ADGRD1: variants seen among roughly 807,000 people sequenced by gnomAD.
The protein encoded by ADGRD1 is adhesion G protein-coupled receptor D1.
ADGRD1 carries 77 observed loss-of-function variants against 113.4 expected under a neutral mutation model. The ratio of observed to expected loss-of-function variants is 0.68; its 90% CI spans 0.57 to 0.82. The LOEUF (loss-of-function observed/expected upper bound fraction) is 0.82. Ranked by LOEUF, ADGRD1 falls within the 40% of genes least tolerant of loss-of-function variation. The pLI, the probability that ADGRD1 is intolerant of heterozygous loss-of-function variation, is 0.00. For synonymous variants in ADGRD1, 474 were observed against 475.0 expected, an observed-to-expected ratio of 1.00 and a Z score of 0.03; for missense variants, 1,036 against 1,139.1, an observed-to-expected ratio of 0.91 and a Z score of 1.30.
At chr12:130,990,792 A>T (rs1316922546) in intron 6 of ADGRD1, 1 of 467,632 alleles carries the variant, frequency 2.1e-6, no homozygotes, top group Non-Finnish European at 3.8e-6. Flanking sequence ...AGCGATTGAG[A>T]ATACAAATGG....
chr12:131,079,265 A>G (rs1307562617), intron 14 of ADGRD1, among the ~76,000 whole-genome samples: 2 of 152,190 alleles, frequency 1.3e-5, no homozygotes, highest in African/African-American at 4.8e-5. Context: ...TCTCCCGAGT[A>G]GAGGAACATT....
At position 131,057,261 on chromosome 12, in the gene ADGRD1, C is replaced by T. The variant is rs1357637663; in HGVS notation, c.1474-19540C>T. On this transcript the variant is annotated intron_variant, in intron 13 of 24. Transcript: ENST00000261654. This position sits in a 1 kb window ranked among gnomAD's most constrained non-coding sequence, Gnocchi z 4.2. ...TTGAGAGAAGCTCTGTGCTTCACCCCTGAAGCTGGGTTGGATGGCATCAGT... is the reference window on the plus strand; with the variant it reads ...TTGAGAGAAGCTCTGTGCTTCACCCTTGAAGCTGGGTTGGATGGCATCAGT... 6.6e-6 allele frequency among the ~76,000 whole-genome samples: 1 copy of T among 152,172 alleles called. No homozygotes were observed. Among genetic ancestry groups the T allele is most frequent in the Non-Finnish European group, 1.5e-5 (1 of 68,042 alleles).
At chr12:131,061,345 A>G (rs913854993) in intron 13 of ADGRD1, among the ~76,000 whole-genome samples, 1 of 152,194 alleles carries the variant, frequency 6.6e-6, no homozygotes, top group Non-Finnish European at 1.5e-5. Flanking sequence ...CGTCCCCGTC[A>G]CAGGCTTACC....
At chr12:131,133,557 C>A (rs7137903) in intron 21 of ADGRD1, among the ~76,000 whole-genome samples, 66,183 of 152,114 alleles carry the variant, frequency 0.44, 14,780 homozygotes, top group South Asian at 0.59. Flanking sequence ...TTCCCACCTG[C>A]GTCTGCACCT....
At chr12:131,019,532 C>T (rs1031698698) in intron 13 of ADGRD1, among the ~76,000 whole-genome samples, 2 of 152,186 alleles carry the variant, frequency 1.3e-5, no homozygotes, top group Non-Finnish European at 2.9e-5. Flanking sequence ...AAAGCTTTTT[C>T]CTTAGAAGGG....
intron 15 of ADGRD1, among the ~76,000 whole-genome samples, chr12:131,104,184 G>C (rs559357512): frequency 1.3e-5 from 2 of 152,232 alleles, no homozygotes; most frequent in African/African-American, 4.8e-5. Flanking sequence ...GAGGCCCACA[G>C]TGTGCAGGCG....
rs1448382140 is a variant in ADGRD1 at position 131,060,919 on chromosome 12, G to T, written c.1474-15882G>T. On this transcript the variant is annotated intron_variant, in intron 13 of 24. Transcript: ENST00000261654. The surrounding 1 kb of genome is among the most constrained non-coding windows in gnomAD (Gnocchi z 4.4). ...TCAGTCCACCCCGCCCATGTTACCT[G>T]GATGGAGAACAGAGTGGACAGAGTC... 6.6e-6 allele frequency among the ~76,000 whole-genome samples: 1 copy of T among 152,012 alleles called. No individual in the cohort carries two copies. Among genetic ancestry groups the T allele is most frequent in the East Asian group, 1.9e-4 (1 of 5,176 alleles).
chr12:131,053,372 C>A (rs747648907), intron 13 of ADGRD1, among the ~76,000 whole-genome samples: 2 of 152,340 alleles, frequency 1.3e-5, no homozygotes, highest in East Asian at 3.9e-4. Context: ...CGTCTTCATT[C>A]GATCAAGGCT....
At chr12:131,125,885 T>G (rs1477465594) in intron 20 of ADGRD1, among the ~76,000 whole-genome samples, 1 of 152,214 alleles carries the variant, frequency 6.6e-6, no homozygotes, top group East Asian at 1.9e-4. Flanking sequence ...ATGTTGAATA[T>G]CAAATGAGTT....
chr12:131,046,643 G>A (rs113045041), intron 13 of ADGRD1, among the ~76,000 whole-genome samples: 4 of 129,222 alleles, frequency 3.1e-5, no homozygotes, highest in Admixed American at 7.5e-5. Flanking sequence ...TCCCTGGTCA[G>A]TGCTCCCTCC....
chr12:131,098,295 A>G (rs1336624486), intron 15 of ADGRD1, among the ~76,000 whole-genome samples: 1 of 151,938 alleles, frequency 6.6e-6, no homozygotes, highest in African/African-American at 2.4e-5. Context: ...TGATGAAGGG[A>G]GAGGGTGGAT....
At position 131,105,793 on chromosome 12, in the gene ADGRD1, C is replaced by G; in HGVS notation, c.1815C>G (p.His605Gln). 1 of 1,601,450 alleles carries G rather than the reference C, an allele frequency of 6.2e-7. No individual in the cohort carries two copies. Among genetic ancestry groups the G allele is most frequent in the Non-Finnish European group, 8.5e-7 (1 of 1,179,958 alleles). ...STIRNQRYHI[H>Q]ANLSFAVLVA... ...TCCGGAACCAGCGCTACCACATCCA[C>G]GCCAACCTGTCCTTCGCCGTGCTGG... The change falls in exon 17 of 25, where the codon CAC becomes CAG. Residue 605 changes from histidine to glutamine, a missense_variant. By Grantham distance (24) the His-to-Gln change is conservative (BLOSUM62 0). Coordinates refer to ENST00000261654, the MANE Select transcript of ADGRD1 (RefSeq NM_198827.5).
At position 131,118,469 on chromosome 12, in the gene ADGRD1, C is replaced by T. The variant is rs755360831; in HGVS notation, c.2108+18C>T. ...AGCAACAAGTAAGTGCAGGGCTTTG[C>T]CTTGCTTTTGGCAGGCGTTCCATGG... On this transcript the variant is annotated intron_variant, in intron 19 of 24. Coordinates refer to ENST00000261654, the MANE Select transcript of ADGRD1 (RefSeq NM_198827.5). The T allele has an allele frequency of 1.3e-6, 2 of 1,589,320 alleles. No homozygotes were observed. The highest frequency in any genetic ancestry group is 1.4e-5 in the African/African-American group (1 of 73,868).
In ADGRD1 at chr12:131,050,386, T is replaced by A. The variant is rs1452314611; in HGVS notation, c.1474-26415T>A. On this transcript the variant is annotated intron_variant, in intron 13 of 24. Coordinates refer to ENST00000261654, the MANE Select transcript of ADGRD1 (RefSeq NM_198827.5). This position sits in a 1 kb window ranked among gnomAD's most constrained non-coding sequence, Gnocchi z 4.8. ...TTCCCAAGATCACGAGCCACTCGTG[T>A]GTTGCCCTGTGTGTTAGTCTGTTCA... Among the ~76,000 whole-genome samples, 1 of 152,154 alleles carries A rather than the reference T, an allele frequency of 6.6e-6. No individual in the cohort carries two copies. Among genetic ancestry groups the A allele is most frequent in the Non-Finnish European group, 1.5e-5 (1 of 68,036 alleles).
At chr12:131,098,110 T>C (rs76756718) in intron 15 of ADGRD1, among the ~76,000 whole-genome samples, 39,368 of 95,594 alleles carry the variant, frequency 0.41, 6,106 homozygotes, top group South Asian at 0.6. Flanking sequence ...GCTCTGCTGC[T>C]GTCCCCTCTC....
At chr12:131,104,617 G>A (rs767430982) in intron 15 of ADGRD1, among the ~76,000 whole-genome samples, 3 of 152,026 alleles carry the variant, frequency 2.0e-5, no homozygotes, top group Non-Finnish European at 2.9e-5. Context: ...AGGGCACCTC[G>A]GGGCACCGGA....
intron 2 of ADGRD1, chr12:130,956,927 C>T (rs1230502608): frequency 6.6e-6 from 1 of 152,472 alleles, no homozygotes; most frequent in Non-Finnish European, 1.5e-5. Flanking sequence ...CATATGGCCA[C>T]ATGTGCCAAC....
At chr12:131,011,748 T>A (rs552636463) in intron 12 of ADGRD1, among the ~76,000 whole-genome samples, 9 of 152,194 alleles carry the variant, frequency 5.9e-5, no homozygotes, top group Non-Finnish European at 4.4e-5. Flanking sequence ...GCAACGTGGT[T>A]TTTCCAGCGC....
chr12:131,131,933 C>A, intron 21 of ADGRD1, 117 bp downstream of exon 21: 1 of 701,554 alleles, frequency 1.4e-6, no homozygotes, highest in Non-Finnish European at 2.6e-6. Context: ...AAGTCCTCCA[C>A]TTGCTCCGTG....
Sources: allele counts gnomAD v4.1 joint callset (sites outside exome capture counted in the v4.1 genomes callset), GRCh38; gene constraint gnomAD v4.1.1; non-coding constraint Gnocchi (gnomAD v3.1); transcripts MANE v1.5; gene names NCBI Gene and HGNC (gene_info 2026-07-23, HGNC 2026-07-21).